Variants in SIRT5 observed in about 807,000 individuals in gnomAD.
The protein encoded by SIRT5 is NAD-dependent protein deacylase sirtuin-5, mitochondrial.
Under a neutral mutation model 40.0 loss-of-function variants are expected in SIRT5, and 26 were observed. The observed-to-expected ratio is 0.65, with a 90% CI of 0.48 to 0.90. The LOEUF is 0.90. Ranked by LOEUF, SIRT5 falls within the 40% of genes least tolerant of loss-of-function variation. SIRT5 has a pLI of 0.00. For missense variants in SIRT5, 401 were observed against 402.4 expected, an observed-to-expected ratio of 1.00 and a Z score of 0.03; for synonymous variants, 146 against 149.1, an observed-to-expected ratio of 0.98 and a Z score of 0.15.
Position 13,612,540 on chromosome 6 carries a change from A to T in SIRT5, c.*675A>T, listed in dbSNP as rs888396815. 6.6e-6 allele frequency: 1 copy of T among 152,088 alleles called. No individual in the cohort carries two copies. The highest frequency in any genetic ancestry group is 1.5e-5 in the Non-Finnish European group (1 of 68,132). The allele number at this position is 152,088 out of a possible 1,614,324, so 9.4% of individuals were successfully genotyped here. On this transcript the variant is annotated 3_prime_UTR_variant, in exon 10 of 10. Transcript: ENST00000606117. ...TTTTTAGTAGAGACGGGGTTTCTCC[A>T]TGTTGGTCAGGCTGGTCTTAAACTC...
chr6:13,611,725 G>T lies in SIRT5; in HGVS notation c.858-65G>T, dbSNP rs964090735. 3.5e-6 allele frequency: 4 copies of T among 1,144,234 alleles called. No homozygotes were observed. In the African/African-American group the frequency reaches 6.1e-5, roughly 17 times the overall value. The allele number at this position is 1,144,234 out of a possible 1,614,324, so 70.9% of individuals were successfully genotyped here. Reference sequence around the variant, plus strand: ...ATTACTTCAGAAATAAGTGCTTGCTGAAGTAGGGCATTCATTTTGCTAACC... The same window carrying T: ...ATTACTTCAGAAATAAGTGCTTGCTTAAGTAGGGCATTCATTTTGCTAACC... On this transcript the variant is annotated intron_variant, in intron 9 of 9. Transcript: ENST00000606117.
chr6:13,581,761 G>A (rs543995601), intron 2 of SIRT5, among the ~76,000 whole-genome samples: 3 of 152,230 alleles, frequency 2.0e-5, no homozygotes, highest in Admixed American at 6.5e-5. Context: ...ACAGAGCACC[G>A]ATATCAGACA....
At chr6:13,581,062 A>G (rs1484974394) in intron 2 of SIRT5, among the ~76,000 whole-genome samples, 1 of 152,164 alleles carries the variant, frequency 6.6e-6, no homozygotes, top group Non-Finnish European at 1.5e-5. Context: ...CCATTTACCC[A>G]ATTTCCTCTA....
In SIRT5 at chr6:13,612,340, CTT is replaced by C. The variant is rs368093809; in HGVS notation, c.*491_*492del. ...CCCCACGATATGGCTTTATTAGGGA[CTT>C]TTTTTTTTTTTTTTTGAGACAGAGT... On this transcript the variant is annotated 3_prime_UTR_variant, in exon 10 of 10. Coordinates refer to ENST00000606117, the MANE Select transcript of SIRT5 (RefSeq NM_012241.5). 16 of 133,376 alleles carry C rather than the reference CTT, an allele frequency of 1.2e-4. No individual in the cohort carries two copies. The highest frequency in any genetic ancestry group is 1.4e-4 in the Non-Finnish European group (9 of 62,166). The allele number at this position is 133,376 out of a possible 1,614,324, so 8.3% of individuals were successfully genotyped here.
intron 1 of SIRT5, among the ~76,000 whole-genome samples, chr6:13,578,869 T>A (rs894864514): frequency 3.9e-5 from 6 of 152,188 alleles, no homozygotes; most frequent in African/African-American, 1.4e-4. Flanking sequence ...CATCGTTAAA[T>A]GACATTACTT....
chr6:13,576,282 G>C (rs1412970354), intron 1 of SIRT5, among the ~76,000 whole-genome samples: 1 of 152,090 alleles, frequency 6.6e-6, no homozygotes, highest in East Asian at 1.9e-4. Context: ...AGTGTACCAG[G>C]GTTCCCTTTT....
intron 9 of SIRT5, among the ~76,000 whole-genome samples, chr6:13,603,202 G>A (rs1194036920): frequency 1.3e-5 from 2 of 151,236 alleles, no homozygotes; most frequent in African/African-American, 2.4e-5. Context: ...GCGTGAACCC[G>A]GGAGGTGGAG....
At chr6:13,582,078 A>G (rs1004742990) in intron 2 of SIRT5, among the ~76,000 whole-genome samples, 1 of 152,228 alleles carries the variant, frequency 6.6e-6, no homozygotes, top group Non-Finnish European at 1.5e-5. Context: ...GGTTCCTAAC[A>G]GATGCTGCAG....
At chr6:13,610,711 C>G (rs537188716) in intron 9 of SIRT5, among the ~76,000 whole-genome samples, 1 of 152,302 alleles carries the variant, frequency 6.6e-6, no homozygotes, top group East Asian at 1.9e-4. Flanking sequence ...CCTGGATAAC[C>G]ACATACTGGC....
At chr6:13,586,597 T>C (rs996628913) in intron 3 of SIRT5, among the ~76,000 whole-genome samples, 1 of 152,124 alleles carries the variant, frequency 6.6e-6, no homozygotes. Context: ...CCACCGTGAC[T>C]GTCTTAATTT....
intron 9 of SIRT5, among the ~76,000 whole-genome samples, chr6:13,601,187 G>A (rs928298301): frequency 5.3e-5 from 8 of 152,126 alleles, no homozygotes; most frequent in Admixed American, 2.6e-4. Flanking sequence ...CATTTTGAAC[G>A]CTCTTCTTGG....
At chr6:13,590,611 T>C (rs1760739994) in intron 4 of SIRT5, among the ~76,000 whole-genome samples, 1 of 152,030 alleles carries the variant, frequency 6.6e-6, no homozygotes, top group African/African-American at 2.4e-5. Flanking sequence ...GTGTATGTTG[T>C]GTGTATGTAT....
At chr6:13,611,065 G>A (rs1763772174) in intron 9 of SIRT5, among the ~76,000 whole-genome samples, 1 of 151,330 alleles carries the variant, frequency 6.6e-6, no homozygotes, top group Non-Finnish European at 1.5e-5. Context: ...CACCTCAGAA[G>A]CTAGTCAGAA....
rs1764075482 is a variant in SIRT5 at position 13,613,037 on chromosome 6, G to A, written c.*1172G>A. The stretch of plus-strand genomic sequence containing the variant: ...ACCAGGTTCAAGAGGCCAAAGAAGA[G>A]ACCTGGAGCTAGTGAAGGAAACATA... On this transcript the variant is annotated 3_prime_UTR_variant, in exon 10 of 10. Coordinates refer to ENST00000606117, the MANE Select transcript of SIRT5 (RefSeq NM_012241.5). The A allele has an allele frequency of 6.6e-6, 1 of 152,484 alleles. No homozygotes were observed. Among genetic ancestry groups the A allele is most frequent in the Non-Finnish European group, 1.5e-5 (1 of 68,088 alleles). The allele number at this position is 152,484 out of a possible 1,614,324, so 9.4% of individuals were successfully genotyped here.
intron 2 of SIRT5, among the ~76,000 whole-genome samples, chr6:13,581,130 C>T (rs1223705654): frequency 6.6e-6 from 1 of 152,176 alleles, no homozygotes; most frequent in African/African-American, 2.4e-5. Flanking sequence ...AGTACTACAC[C>T]TAGACATTTA....
chr6:13,584,388 G>A (rs1022308824), intron 3 of SIRT5, among the ~76,000 whole-genome samples, 163 bp downstream of exon 3: 1 of 151,850 alleles, frequency 6.6e-6, no homozygotes, highest in African/African-American at 2.4e-5. Flanking sequence ...GTCTTGCTCT[G>A]TCGCCAGGCT....
intron 2 of SIRT5, among the ~76,000 whole-genome samples, chr6:13,582,833 G>A (rs1247713281): frequency 6.6e-6 from 1 of 152,152 alleles, no homozygotes; most frequent in African/African-American, 2.4e-5. Context: ...TCTGTGACAC[G>A]ATGTTATCTT....
chr6:13,580,099 C>G (rs1251596460), intron 2 of SIRT5, among the ~76,000 whole-genome samples: 6 of 152,202 alleles, frequency 3.9e-5, no homozygotes, highest in Admixed American at 3.9e-4. Context: ...TGAGTCTGTT[C>G]ACTTCCCTCT....
Position 13,612,574 on chromosome 6 carries a change from AGGTG to A in SIRT5, c.*710_*713del, listed in dbSNP as rs1764038885. On this transcript the variant is annotated 3_prime_UTR_variant, in exon 10 of 10. Transcript: ENST00000606117. ...AGGCTGGTCTTAAACTCTCGACCTC[AGGTG>A]ATCTGCCCGCCTCGGCCTCCCAAAG... 6.6e-6 allele frequency: 1 copy of A among 152,246 alleles called. No individual in the cohort carries two copies. Among genetic ancestry groups the A allele is most frequent in the Admixed American group, 6.5e-5 (1 of 15,276 alleles). 9.4% of individuals were successfully genotyped at this position (152,246 alleles called of 1,614,324 possible). A position where few individuals can be genotyped will look rare whatever the true frequency, so the allele number is the denominator to read the frequency against.
Sources: allele counts gnomAD v4.1 joint callset (sites outside exome capture counted in the v4.1 genomes callset), GRCh38; gene constraint gnomAD v4.1.1; transcripts MANE v1.5; gene names NCBI Gene and HGNC (gene_info 2026-07-23, HGNC 2026-07-21).